Variants in NCAM2 observed in about 807,000 individuals in gnomAD.
NCAM2 encodes N-CAM-2.
In NCAM2, 30 loss-of-function variants were observed where a neutral mutation model predicts 98.1. That is an observed-to-expected ratio of 0.31 (90% CI 0.23 to 0.41). The LOEUF (loss-of-function observed/expected upper bound fraction) is 0.41, where lower values mean the gene tolerates loss of function less well. Ranked by LOEUF, NCAM2 falls within the 10% of genes least tolerant of loss-of-function variation. The pLI is 1.00. For synonymous variants in NCAM2, 368 were observed against 342.4 expected (o/e 1.07, Z -0.83); for missense variants, 867 against 1,005.8 (o/e 0.86, Z 1.87).
intron 1 of NCAM2, among the ~76,000 whole-genome samples, chr21:21,241,289 A>C (rs2071056200): frequency 6.7e-6 from 1 of 148,780 alleles, no homozygotes; most frequent in Non-Finnish European, 1.5e-5. Flanking sequence ...AAAAAAGATA[A>C]GTTCCTGATG....
At chr21:21,457,291 C>A (rs958570851) in intron 12 of NCAM2, among the ~76,000 whole-genome samples, 2 of 152,044 alleles carry the variant, frequency 1.3e-5, no homozygotes, top group African/African-American at 4.8e-5. Flanking sequence ...CTGATGAGGT[C>A]TCAGACAAAA....
intron 12 of NCAM2, among the ~76,000 whole-genome samples, chr21:21,441,851 A>T (rs917743235): frequency 2.6e-5 from 4 of 152,118 alleles, no homozygotes; most frequent in African/African-American, 9.7e-5. Context: ...AGAGAGAAAA[A>T]ATCAGATGGC....
At chr21:21,440,668 G>A (rs1365614032) in intron 12 of NCAM2, among the ~76,000 whole-genome samples, 1 of 144,900 alleles carries the variant, frequency 6.9e-6, no homozygotes. Flanking sequence ...GAAACAGAAG[G>A]AAATCCTACA....
chr21:21,210,109 G>A (rs563374458), intron 1 of NCAM2, among the ~76,000 whole-genome samples: 8 of 152,136 alleles, frequency 5.3e-5, no homozygotes, highest in African/African-American at 1.9e-4. Flanking sequence ...GAAATGCATT[G>A]ATAGATCAAA....
chr21:21,246,493 G>A lies in NCAM2; in HGVS notation c.56-34085G>A, dbSNP rs959040982. ...AATATATTTGCATACAAAGAGATAT[G>A]TTATTACAGAAATATGTTTGAAAAT... On this transcript the variant is annotated intron_variant, in intron 1 of 17. Transcript: ENST00000400546. 2.0e-5 allele frequency among the ~76,000 whole-genome samples: 3 copies of A among 152,118 alleles called. 1 individual carries two copies. Among genetic ancestry groups the A allele is most frequent in the South Asian group, 4.1e-4 (2 of 4,828 alleles).
chr21:21,448,886 TAAG>T (rs1192450818), intron 12 of NCAM2, among the ~76,000 whole-genome samples: 3 of 152,106 alleles, frequency 2.0e-5, no homozygotes, highest in African/African-American at 7.2e-5. Context: ...AAAATTCAAA[TAAG>T]AATATCTTGG....
At chr21:21,205,023 C>T (rs1025579547) in intron 1 of NCAM2, among the ~76,000 whole-genome samples, 3 of 151,190 alleles carry the variant, frequency 2.0e-5, no homozygotes, top group African/African-American at 7.4e-5. Context: ...GAAGTTTCTG[C>T]AAAATAACAT....
At chr21:21,169,065 GTGT>G (rs2068040970) in intron 1 of NCAM2, among the ~76,000 whole-genome samples, 2 of 152,112 alleles carry the variant, frequency 1.3e-5, no homozygotes, top group South Asian at 4.1e-4. Flanking sequence ...AGTACAGACA[GTGT>G]TGTTTTGAGA....
intron 1 of NCAM2, among the ~76,000 whole-genome samples, chr21:21,256,700 C>T (rs971687829): frequency 3.9e-5 from 6 of 152,108 alleles, no homozygotes; most frequent in African/African-American, 9.7e-5. Flanking sequence ...AAACCCTTTA[C>T]AATGTATTTT....
intron 1 of NCAM2, among the ~76,000 whole-genome samples, chr21:21,168,707 A>C (rs1304381232): frequency 6.6e-6 from 1 of 152,166 alleles, no homozygotes; most frequent in Non-Finnish European, 1.5e-5. Flanking sequence ...AATACTTTCC[A>C]AAATGAAATA....
In NCAM2 at chr21:20,998,585, T is replaced by C. The variant is rs1224629091; in HGVS notation, c.22T>C (p.Tyr8His). 1.2e-6 allele frequency: 2 copies of C among 1,614,118 alleles called. No individual in the cohort carries two copies. Among genetic ancestry groups the C allele is most frequent in the East Asian group, 2.2e-5 (1 of 44,852 alleles). The stretch of plus-strand genomic sequence containing the variant: ...GAACATGAGCCTCCTCCTCTCCTTC[T>C]ACCTGCTGGGGTTGCTTGTCAGTAG... MSLLLSF[Y>H]LLGLLVSSGQ... is the part of the protein sequence containing the mutation. Residue 8 changes from tyrosine to histidine, a missense_variant, in exon 1 of 18, where the codon TAC becomes CAC. Tyr to His is a moderately conservative substitution (Grantham distance 83). Transcript: ENST00000400546.
intron 9 of NCAM2, among the ~76,000 whole-genome samples, chr21:21,392,961 C>T (rs543951310): frequency 6.6e-6 from 1 of 151,928 alleles, no homozygotes; most frequent in Admixed American, 6.6e-5. Flanking sequence ...TAATTATACC[C>T]CGTCAATTTT....
chr21:21,533,633 C>A (rs1989827578), intron 16 of NCAM2, among the ~76,000 whole-genome samples: 1 of 142,400 alleles, frequency 7.0e-6, no homozygotes, highest in African/African-American at 2.7e-5. Context: ...AATTGAAGTC[C>A]CCAACCCTTC....
chr21:21,284,194 C>T lies in NCAM2; in HGVS notation c.131C>T (p.Ala44Val), dbSNP rs1037204333. The change falls in exon 3 of 18, where the codon GCG (alanine) becomes GTG (valine). Residue 44 changes from alanine to valine, a missense_variant and splice_region_variant. Ala to Val is a moderately conservative substitution (Grantham distance 64). Around this residue, in one of 5 missense-constraint regions of NCAM2, gnomAD observed 447 missense variants for 495.7 expected, o/e 0.90. Transcript: ENST00000400546. Reference protein sequence around the residue: ...VGESKFFTCTAIGEPESIDWY... With the variant: ...VGESKFFTCTVIGEPESIDWY... ...CTTTATTTTCCATGGCTCTTTGCAG[C>T]GATTGGTGAACCTGAAAGTATAGAT... The T allele has an allele frequency of 3.7e-6, 6 of 1,607,476 alleles. No homozygotes were observed. The highest frequency in any genetic ancestry group is 2.2e-5 in the East Asian group (1 of 44,738).
chr21:21,055,647 T>C (rs2065195203), intron 1 of NCAM2, among the ~76,000 whole-genome samples: 1 of 151,942 alleles, frequency 6.6e-6, no homozygotes, highest in African/African-American at 2.4e-5. Context: ...CAACACAAAA[T>C]GGAGATCACT....
At chr21:21,439,122 CTTT>C (rs34655565) in intron 12 of NCAM2, among the ~76,000 whole-genome samples, 1 of 145,634 alleles carries the variant, frequency 6.9e-6, no homozygotes, top group African/African-American at 2.5e-5. Flanking sequence ...TAAGTACTTC[CTTT>C]TTTTTTTTTT....
intron 15 of NCAM2, among the ~76,000 whole-genome samples, chr21:21,502,226 T>C (rs1987683881): frequency 6.6e-6 from 1 of 151,954 alleles, no homozygotes; most frequent in Non-Finnish European, 1.5e-5. Context: ...CAATGGATAA[T>C]TTCTAAAAAT....
At chr21:21,384,445 T>A (rs2076221303) in intron 9 of NCAM2, among the ~76,000 whole-genome samples, 1 of 151,870 alleles carries the variant, frequency 6.6e-6, no homozygotes, top group Non-Finnish European at 1.5e-5. Context: ...TCTTATAGTA[T>A]TTCTTTACAT....
intron 1 of NCAM2, among the ~76,000 whole-genome samples, chr21:21,193,662 A>G (rs1288114966): frequency 6.6e-6 from 1 of 151,816 alleles, no homozygotes; most frequent in Non-Finnish European, 1.5e-5. Flanking sequence ...TGCTTGGCTA[A>G]TTTTTGTATT....
Sources: gnomAD v4.1 joint callset for allele counts (sites outside exome capture counted in the v4.1 genomes callset) on GRCh38, gnomAD v4.1.1 for gene constraint, gnomAD v4.1.1 regional missense constraint, MANE v1.5 for transcripts, NCBI Gene and HGNC (gene_info 2026-07-23, HGNC 2026-07-21) for gene names.